The following SMG7 variants were observed in gnomAD, a reference collection of about 807,000 sequenced individuals.
SMG7 encodes the protein nonsense-mediated mRNA decay factor SMG7.
In SMG7, 34 loss-of-function variants were observed where a neutral mutation model predicts 148.2. That is an observed-to-expected ratio of 0.23 (90% CI 0.17 to 0.31). The LOEUF (loss-of-function observed/expected upper bound fraction) is 0.31. Among genes scored for constraint, SMG7 ranks in the 10% least tolerant of loss-of-function variants. The pLI, the probability that SMG7 is intolerant of heterozygous loss-of-function variation, is 1.00. For synonymous variants in SMG7, 492 were observed against 515.1 expected (o/e 0.96, Z 0.61); for missense variants, 1,114 against 1,408.4 (o/e 0.79, Z 3.35).
At chr1:183,485,864 A>G (rs144062858) in intron 1 of SMG7, among the ~76,000 whole-genome samples, 52 of 152,366 alleles carry the variant, frequency 3.4e-4, no homozygotes, top group African/African-American at 1.2e-3. Flanking sequence ...ACAGATTACT[A>G]AAGCTATACT....
intron 1 of SMG7, among the ~76,000 whole-genome samples, chr1:183,505,250 T>G (rs1333355955): frequency 6.6e-6 from 1 of 152,184 alleles, no homozygotes; most frequent in Non-Finnish European, 1.5e-5. Context: ...GATATAATCT[T>G]TTCTCTGGCA....
intron 14 of SMG7, 145 bp downstream of exon 14, chr1:183,542,647 C>A: frequency 1.6e-6 from 1 of 641,708 alleles, no homozygotes. Context: ...ATATAAAGAG[C>A]TGTGATAGAT....
In SMG7 at chr1:183,512,808, CTTTTTTTTTTTT is replaced by C. The variant is rs59379855; in HGVS notation, c.30-20_30-9del. 8.8e-7 allele frequency: 1 copy of C among 1,137,284 alleles called. No homozygotes were observed. The highest frequency in any genetic ancestry group is 1.2e-6 in the Non-Finnish European group (1 of 857,984). 70.4% of individuals were successfully genotyped at this position (1,137,284 alleles called of 1,614,324 possible). On this transcript the variant is annotated splice_polypyrimidine_tract_variant and intron_variant, in intron 1 of 22. Transcript: ENST00000688051. ...GCCTCGTTTGTTTCTAACTGATACTCTTTTTTTTTTTTTTTTTTTTCTATCTAGGCAGGCAGA... is the reference window on the plus strand; with the variant it reads ...GCCTCGTTTGTTTCTAACTGATACTCTTTTTTTTCTATCTAGGCAGGCAGA...
intron 1 of SMG7, among the ~76,000 whole-genome samples, chr1:183,505,736 C>CTTTA (rs1283907929): frequency 2.0e-5 from 3 of 152,186 alleles, no homozygotes; most frequent in Admixed American, 1.3e-4. Flanking sequence ...TTTTTGCATT[C>CTTTA]TTTACCTTCT....
intron 1 of SMG7, among the ~76,000 whole-genome samples, chr1:183,480,472 C>A (rs1653797184): frequency 6.6e-6 from 1 of 152,064 alleles, no homozygotes; most frequent in Non-Finnish European, 1.5e-5. Context: ...TGGCCAAATT[C>A]ATTTACTGAT....
At chr1:183,517,884 C>T (rs568672851) in intron 4 of SMG7, 64 bp downstream of exon 4, 86 of 1,482,280 alleles carry the variant, frequency 5.8e-5, no homozygotes, top group Middle Eastern at 3.4e-4. Flanking sequence ...TCTTTGTACA[C>T]GTCTTAATGC....
At chr1:183,521,685 G>C (rs1009323648) in intron 4 of SMG7, among the ~76,000 whole-genome samples, 2 of 152,126 alleles carry the variant, frequency 1.3e-5, no homozygotes, top group South Asian at 4.2e-4. Context: ...GGGTAACGTG[G>C]TGAGACCCTA....
At chr1:183,545,375 A>G (rs186680238) in intron 16 of SMG7, 63 bp downstream of exon 16, 21 of 1,523,006 alleles carry the variant, frequency 1.4e-5, no homozygotes, top group Middle Eastern at 1.9e-4. Context: ...GAAAGATTCA[A>G]TGTTAGAAAT....
At chr1:183,487,884 T>C (rs2102162820) in intron 1 of SMG7, among the ~76,000 whole-genome samples, 1 of 152,340 alleles carries the variant, frequency 6.6e-6, no homozygotes, top group East Asian at 1.9e-4. Context: ...ATTCAGATGC[T>C]GGGCTTGAAT....
chr1:183,544,956 C>A lies in SMG7; in HGVS notation c.2014C>A (p.Pro672Thr). The change falls in exon 16 of 23, where the codon CCC (proline) becomes ACC (threonine). Residue 672 changes from proline (P) to threonine (T), a missense_variant. This residue lies in a region of SMG7 where 788 missense variants were observed against 894.5 expected (regional missense o/e 0.88). Coordinates refer to ENST00000688051, the MANE Select transcript of SMG7 (RefSeq NM_001375584.1). ...GTTTCCGCCCCCAACATATGTTATC[C>A]CCCCGCCTGTGGCATTTTCTATGGG... ...PGFPPPTYVI[P>T]PPVAFSMGSG... 8 of 1,613,596 alleles carry A rather than the reference C, an allele frequency of 5.0e-6. No homozygotes were observed. Among genetic ancestry groups the A allele is most frequent in the Non-Finnish European group, 6.8e-6 (8 of 1,179,784 alleles).
At chr1:183,514,397 A>G (rs970487358) in intron 2 of SMG7, among the ~76,000 whole-genome samples, 5 of 152,096 alleles carry the variant, frequency 3.3e-5, no homozygotes, top group Admixed American at 6.6e-5. Context: ...TAGCTTGTAT[A>G]TTTACTCAGT....
intron 7 of SMG7, 94 bp downstream of exon 7, chr1:183,529,136 C>A: frequency 8.5e-7 from 1 of 1,169,844 alleles, no homozygotes; most frequent in Non-Finnish European, 1.2e-6. Context: ...AAATAACGGC[C>A]TATGCTTCTC....
chr1:183,539,230 A>G (rs1012043754), intron 12 of SMG7, among the ~76,000 whole-genome samples: 1 of 152,070 alleles, frequency 6.6e-6, no homozygotes, highest in African/African-American at 2.4e-5. Flanking sequence ...TGTGGTTTAA[A>G]CTATCAGTGC....
chr1:183,477,752 A>G (rs975421921), intron 1 of SMG7, among the ~76,000 whole-genome samples: 3 of 151,804 alleles, frequency 2.0e-5, no homozygotes, highest in Non-Finnish European at 2.9e-5. Context: ...ATGTGTGTGC[A>G]TATGTGTGCA....
intron 17 of SMG7, 89 bp downstream of exon 17, chr1:183,546,426 G>A (rs149344717): frequency 1.4e-6 from 2 of 1,409,320 alleles, no homozygotes; most frequent in East Asian, 2.3e-5. Context: ...TTATAAAAAG[G>A]CCACTCTTAT....
At chr1:183,476,931 A>G (rs1652341716) in intron 1 of SMG7, among the ~76,000 whole-genome samples, 1 of 152,182 alleles carries the variant, frequency 6.6e-6, no homozygotes, top group Non-Finnish European at 1.5e-5. Flanking sequence ...TGTATTGAAT[A>G]CAATTCATTT....
At chr1:183,528,866 T>C in intron 6 of SMG7, 26 bp from the exon 7 acceptor site, 3 of 1,597,562 alleles carry the variant, frequency 1.9e-6, no homozygotes, top group Non-Finnish European at 2.6e-6. Context: ...TTGGGGTTAC[T>C]CCAGAATCTT....
At position 183,473,040 on chromosome 1, in the gene SMG7, G is replaced by A. The variant is rs76823344; in HGVS notation, c.29+391G>A. 1,822 of 261,786 alleles carry A rather than the reference G, an allele frequency of 7.0e-3. 25 individuals carry two copies. The highest frequency in any genetic ancestry group is 0.037 in the African/African-American group (1,685 of 45,274). 16.2% of individuals were successfully genotyped at this position (261,786 alleles called of 1,614,324 possible). ...CGTGGCAGGGGACTCGTGGTGTGGC[G>A]TGGGATTGGTTGGAGCGATGCATGA... On this transcript the variant is annotated intron_variant, in intron 1 of 22. Transcript: ENST00000688051.
In SMG7 at chr1:183,527,924, G is replaced by T. The variant is rs1314889425; in HGVS notation, c.485-32G>T. 5.1e-6 allele frequency: 8 copies of T among 1,563,758 alleles called. No individual in the cohort carries two copies. The highest frequency in any genetic ancestry group is 7.0e-6 in the Non-Finnish European group (8 of 1,138,150). ...AATACTACCCTACTGTTTGTTTTTT[G>T]GGTTTTTTAAAACTAATTTTCTTCT... is the stretch of plus-strand genomic sequence containing the variant. On this transcript the variant is annotated intron_variant, in intron 5 of 22. Coordinates refer to ENST00000688051, the MANE Select transcript of SMG7 (RefSeq NM_001375584.1). This position sits in a 1 kb window ranked among gnomAD's most constrained non-coding sequence, Gnocchi z 4.0.
Sources: gnomAD v4.1 joint callset for allele counts (sites outside exome capture counted in the v4.1 genomes callset) on GRCh38, gnomAD v4.1.1 for gene constraint, gnomAD v4.1.1 regional missense constraint, Gnocchi (gnomAD v3.1) non-coding constraint, MANE v1.5 for transcripts, NCBI Gene and HGNC (gene_info 2026-07-23, HGNC 2026-07-21) for gene names.